CTNNA3: variants seen among roughly 807,000 people sequenced by gnomAD.
CTNNA3 encodes the protein catenin alpha-3.
A neutral mutation model predicts 95.7 loss-of-function variants in CTNNA3; 76 were observed. The observed-to-expected ratio is 0.79, with a 90% CI of 0.66 to 0.96. CTNNA3 has a LOEUF of 0.96. Among genes scored for constraint, CTNNA3 ranks in the 40% least tolerant of loss-of-function variants. The pLI, the probability that CTNNA3 is intolerant of heterozygous loss-of-function variation, is 0.00. For synonymous variants in CTNNA3, 431 were observed against 374.4 expected (o/e 1.15, Z -1.74); for missense variants, 1,191 against 1,089.8 (o/e 1.09, Z -1.31).
intron 9 of CTNNA3, among the ~76,000 whole-genome samples, chr10:66,659,181 AACACACACACACAC>A (rs10565151): frequency 6.9e-6 from 1 of 145,572 alleles, no homozygotes; most frequent in Non-Finnish European, 1.5e-5. Flanking sequence ...TAATTAAGAA[AACACACACACACAC>A]ACACACACAC....
chr10:67,082,581 C>T (rs571450953), intron 7 of CTNNA3, among the ~76,000 whole-genome samples: 15 of 152,220 alleles, frequency 9.9e-5, no homozygotes, highest in Middle Eastern at 3.4e-3. Context: ...TCACAAGCCT[C>T]CTAGGAAAGC....
chr10:67,168,412 G>T (rs1200987020), intron 7 of CTNNA3, among the ~76,000 whole-genome samples: 1 of 152,094 alleles, frequency 6.6e-6, no homozygotes, highest in East Asian at 1.9e-4. Flanking sequence ...GAATCCAGCA[G>T]CACATCAAAA....
At chr10:66,474,912 TG>T (rs1839269126) in intron 11 of CTNNA3, among the ~76,000 whole-genome samples, 1 of 152,046 alleles carries the variant, frequency 6.6e-6, no homozygotes, top group Non-Finnish European at 1.5e-5. Flanking sequence ...TGTTTTGTTT[TG>T]CTTTGTTTTT....
At chr10:66,089,628 A>C (rs1183562307) in intron 14 of CTNNA3, among the ~76,000 whole-genome samples, 1 of 151,964 alleles carries the variant, frequency 6.6e-6, no homozygotes, top group Non-Finnish European at 1.5e-5. Flanking sequence ...TTTTAATAGA[A>C]CAGACCATGT....
At chr10:66,903,527 G>A (rs1022276154) in intron 7 of CTNNA3, among the ~76,000 whole-genome samples, 7 of 152,110 alleles carry the variant, frequency 4.6e-5, no homozygotes, top group African/African-American at 1.7e-4. Flanking sequence ...GTTCTGGCCA[G>A]GACAATTAGG....
At chr10:67,691,541 G>C (rs1255660695) in intron 1 of CTNNA3, among the ~76,000 whole-genome samples, 1 of 150,330 alleles carries the variant, frequency 6.7e-6, no homozygotes, top group African/African-American at 2.5e-5. Flanking sequence ...CCTCTGCCCT[G>C]CCGCCCCGTC....
At chr10:65,923,083 A>T (rs1189129060) in intron 17 of CTNNA3, among the ~76,000 whole-genome samples, 1 of 152,146 alleles carries the variant, frequency 6.6e-6, no homozygotes, top group African/African-American at 2.4e-5. Flanking sequence ...GCTCCCTCAC[A>T]CTTGGGGATT....
chr10:67,700,399 C>T (rs573509274), upstream of CTNNA3, among the ~76,000 whole-genome samples: 120 of 152,298 alleles, frequency 7.9e-4, 1 homozygote, highest in Middle Eastern at 6.8e-3. Context: ...ACTGACACCT[C>T]ACACGGCCAG....
intron 12 of CTNNA3, among the ~76,000 whole-genome samples, chr10:66,366,990 A>G (rs1234366588): frequency 6.6e-6 from 1 of 152,164 alleles, no homozygotes; most frequent in Non-Finnish European, 1.5e-5. Context: ...TACTCAAGGA[A>G]GACCTATTCA....
rs528667719 is a variant in CTNNA3, at chr10:67,622,791, G to A, written c.100-15742C>T. Among the ~76,000 whole-genome samples the A allele has an allele frequency of 5.9e-5, 9 of 152,218 alleles. No homozygotes were observed. The East Asian group carries it at 7.7e-4, about 13-fold the overall frequency. On this transcript the variant is annotated intron_variant, in intron 2 of 17. Transcript: ENST00000433211. ...TGGCAGTAAAATCATGCAGAAATTG[G>A]AGAATTCACTTTATTAGAATCAACT...
chr10:66,688,754 G>A (rs189390460), intron 9 of CTNNA3, among the ~76,000 whole-genome samples: 54 of 152,054 alleles, frequency 3.6e-4, no homozygotes, highest in African/African-American at 9.2e-4. Context: ...GGTGGATCAC[G>A]AGGTCAGGAG....
intron 3 of CTNNA3, among the ~76,000 whole-genome samples, chr10:67,568,005 A>G (rs1052585672): frequency 1.4e-4 from 21 of 152,100 alleles, no homozygotes; most frequent in Admixed American, 6.6e-5. Context: ...GTAGTTGACA[A>G]CTTGCCCCAC....
intron 12 of CTNNA3, among the ~76,000 whole-genome samples, chr10:66,284,854 T>C (rs1357461296): frequency 6.6e-6 from 1 of 151,894 alleles, no homozygotes; most frequent in Non-Finnish European, 1.5e-5. Context: ...GTTAAGTAAC[T>C]GGGAGAGAAT....
At chr10:67,727,042 T>A (rs1230512022) in intron 1 of CTNNA3, among the ~76,000 whole-genome samples, 2 of 112,506 alleles carry the variant, frequency 1.8e-5, no homozygotes, top group Non-Finnish European at 3.2e-5. Flanking sequence ...TAATATATGA[T>A]ACATATATGA....
chr10:66,097,554 T>G (rs754850103), intron 14 of CTNNA3, among the ~76,000 whole-genome samples: 2 of 152,108 alleles, frequency 1.3e-5, no homozygotes, highest in Non-Finnish European at 2.9e-5. Context: ...GGACAGTAAT[T>G]GGTGGAACTG....
intron 5 of CTNNA3, among the ~76,000 whole-genome samples, chr10:67,331,152 T>C (rs1397405050): frequency 6.6e-6 from 1 of 152,214 alleles, no homozygotes; most frequent in African/African-American, 2.4e-5. Context: ...GCCAGATTAC[T>C]GTGTTGGAGT....
intron 5 of CTNNA3, among the ~76,000 whole-genome samples, chr10:67,415,902 C>G (rs1407709382): frequency 6.6e-6 from 1 of 152,114 alleles, no homozygotes; most frequent in Non-Finnish European, 1.5e-5. Context: ...GGGGAAAGGA[C>G]TCCCTATTCA....
chr10:66,620,957 T>TCTTCTCAGATAAGAGTGTTTAAACA (rs1844724292), intron 10 of CTNNA3, among the ~76,000 whole-genome samples: 1 of 152,146 alleles, frequency 6.6e-6, no homozygotes, highest in Non-Finnish European at 1.5e-5. Context: ...ATATCCTGCT[T>TCTTCTCAGATAAGAGTGTTTAAACA]CTTCTCAGAT....
intron 1 of CTNNA3, among the ~76,000 whole-genome samples, chr10:67,694,076 TAA>T (rs1161953124): frequency 6.6e-6 from 1 of 152,234 alleles, no homozygotes; most frequent in Non-Finnish European, 1.5e-5. Flanking sequence ...AGTTGTATCA[TAA>T]AAGTCATATA....
Sources: allele counts gnomAD v4.1 joint callset (sites outside exome capture counted in the v4.1 genomes callset), GRCh38; gene constraint gnomAD v4.1.1; transcripts MANE v1.5; gene names NCBI Gene and HGNC (gene_info 2026-07-23, HGNC 2026-07-21).